NEK4: variants seen among roughly 807,000 people sequenced by gnomAD.
NEK4 encodes NIMA related kinase 4.
Under a neutral mutation model 98.4 loss-of-function variants are expected in NEK4, and 86 were observed. The ratio of observed to expected loss-of-function variants is 0.87; its 90% confidence interval spans 0.73 to 1.05. The LOEUF is 1.05. NEK4 is among the 50% of genes least tolerant of loss of function. The pLI is 0.00. For missense variants in NEK4, 898 were observed against 950.3 expected, an observed-to-expected ratio of 0.94 and a Z score of 0.72; for synonymous variants, 328 against 342.2, an observed-to-expected ratio of 0.96 and a Z score of 0.46.
intron 13 of NEK4, 70 bp downstream of exon 13, chr3:52,741,341 G>GA (rs1333527773): frequency 2.2e-6 from 2 of 918,276 alleles, no homozygotes; most frequent in Admixed American, 3.7e-5. Context: ...AAATACTACT[G>GA]AAAATGCACA....
At chr3:52,717,223 C>T (rs1443543218) in intron 15 of NEK4, among the ~76,000 whole-genome samples, 2 of 152,098 alleles carry the variant, frequency 1.3e-5, no homozygotes, top group Non-Finnish European at 1.5e-5. Context: ...GCCTGGCCAA[C>T]ATGGTGAAAC....
rs188091502 is a variant in NEK4, at chr3:52,721,519, G to A, written c.2434-9650C>T. ...AAGGCAGGAGAATTGCTTGAGCCCA[G>A]GAGTTCAAGACCCGCCTGGGCAACA... On this transcript the variant is annotated intron_variant, in intron 15 of 15. Coordinates refer to ENST00000233027, the MANE Select transcript of NEK4 (RefSeq NM_003157.6). Among the ~76,000 whole-genome samples, 47 of 152,110 alleles carry A rather than the reference G, an allele frequency of 3.1e-4. 1 individual carries two copies. The East Asian group carries it at 7.3e-3, about 24-fold the overall frequency.
chr3:52,747,086 T>C (rs2097397462), intron 8 of NEK4, among the ~76,000 whole-genome samples, 182 bp from the exon 9 acceptor site: 1 of 152,146 alleles, frequency 6.6e-6, no homozygotes, highest in African/African-American at 2.4e-5. Context: ...CCCATCACAA[T>C]GTAAAGTTCA....
intron 15 of NEK4, among the ~76,000 whole-genome samples, chr3:52,728,332 C>T (rs1020280250): frequency 1.3e-5 from 2 of 152,174 alleles, no homozygotes; most frequent in East Asian, 1.9e-4. Flanking sequence ...GCCAAAACTG[C>T]GCCACTGCAC....
intron 15 of NEK4, among the ~76,000 whole-genome samples, chr3:52,730,884 C>T (rs1346240255): frequency 6.6e-6 from 1 of 151,858 alleles, no homozygotes; most frequent in Non-Finnish European, 1.5e-5. Flanking sequence ...CTGGTGGGGG[C>T]AGGAAATGGG....
At chr3:52,740,892 A>G (rs1481371262) in intron 13 of NEK4, among the ~76,000 whole-genome samples, 1 of 152,004 alleles carries the variant, frequency 6.6e-6, no homozygotes, top group East Asian at 1.9e-4. Flanking sequence ...TATACATGTA[A>G]TTGGAATCCC....
chr3:52,722,071 G>C (rs547057637), intron 15 of NEK4, among the ~76,000 whole-genome samples: 34 of 152,154 alleles, frequency 2.2e-4, no homozygotes, highest in African/African-American at 7.2e-4. Context: ...TTAACCAATC[G>C]AATGTTGCCT....
intron 15 of NEK4, among the ~76,000 whole-genome samples, chr3:52,736,545 C>A (rs2097376253): frequency 6.6e-6 from 1 of 151,352 alleles, no homozygotes; most frequent in African/African-American, 2.4e-5. Flanking sequence ...GAGATCGCAC[C>A]ACTGCACTCC....
chr3:52,712,606 G>T (rs760289126), intron 15 of NEK4, among the ~76,000 whole-genome samples: 15 of 152,200 alleles, frequency 9.9e-5, no homozygotes, highest in Non-Finnish European at 1.6e-4. Context: ...CTTGGAGAAT[G>T]AATGCAAGGT....
intron 14 of NEK4, 92 bp downstream of exon 14, chr3:52,739,337 T>C: frequency 1.9e-6 from 2 of 1,037,928 alleles, no homozygotes; most frequent in Non-Finnish European, 2.9e-6. Flanking sequence ...AGGCAAAGGT[T>C]GCAGTGAGCC....
intron 15 of NEK4, among the ~76,000 whole-genome samples, chr3:52,714,829 G>C: frequency 6.6e-6 from 1 of 152,228 alleles, no homozygotes; most frequent in Non-Finnish European, 1.5e-5. Flanking sequence ...CTCAGAGCGG[G>C]GTAAGCCCAG....
chr3:52,712,289 C>G (rs190136494), intron 15 of NEK4, among the ~76,000 whole-genome samples: 175 of 152,252 alleles, frequency 1.1e-3, no homozygotes, highest in African/African-American at 3.9e-3. Flanking sequence ...GGGAAAAGTT[C>G]CCTTGTCCCC....
At chr3:52,765,353 AAAAAAAAAAAAC>A (rs1399335259) in intron 4 of NEK4, among the ~76,000 whole-genome samples, 5 of 150,108 alleles carry the variant, frequency 3.3e-5, no homozygotes, top group African/African-American at 4.9e-5. Context: ...CTCCATCTCA[AAAAAAAAAAAAC>A]AAAAAAAAAA....
chr3:52,754,369 A>G, intron 6 of NEK4: 1 of 440,594 alleles, frequency 2.3e-6, no homozygotes, highest in Non-Finnish European at 4.5e-6. Context: ...ATGCAGGGAG[A>G]GTTTTCTACA....
chr3:52,768,644 C>A, intron 1 of NEK4, 40 bp from the exon 2 acceptor site: 1 of 1,598,848 alleles, frequency 6.3e-7, no homozygotes. Flanking sequence ...TGCAAATAAA[C>A]GTAAGATTTG....
At position 52,764,555 on chromosome 3, in the gene NEK4, C is replaced by T. The variant is rs368626340; in HGVS notation, c.667-931G>A. Among the ~76,000 whole-genome samples, 56 of 151,356 alleles carry T rather than the reference C, an allele frequency of 3.7e-4. No individual in the cohort carries two copies. The East Asian group carries it at 7.8e-3, about 21-fold the overall frequency. ...CCGAGGCAGGAGAATGGCGTGAACC[C>T]GAGAGGCAGAGGTTGCAGTGAGCTG... On this transcript the variant is annotated intron_variant, in intron 4 of 15. Transcript: ENST00000233027.
rs185330076 is a variant in NEK4 at position 52,710,892 on chromosome 3, C to A, written c.*885G>T. 6 of 152,430 alleles carry A rather than the reference C, an allele frequency of 3.9e-5. No homozygotes were observed. The highest frequency in any genetic ancestry group is 2.0e-4 in the Admixed American group (3 of 15,280). 9.4% of individuals were successfully genotyped at this position (152,430 alleles called of 1,614,324 possible). On this transcript the variant is annotated 3_prime_UTR_variant, in exon 16 of 16. Transcript: ENST00000233027. ...AATTTCTTTCCTAGATGGGTATTAC[C>A]TCTTATTAAACAACTAATAAAATAT...
intron 6 of NEK4, among the ~76,000 whole-genome samples, chr3:52,755,495 G>T (rs527548820): frequency 6.6e-6 from 1 of 151,038 alleles, no homozygotes; most frequent in Non-Finnish European, 1.5e-5. Flanking sequence ...ACCTTTTCAT[G>T]ATTAAAAAAA....
In NEK4 at chr3:52,711,378, AT is replaced by A. The variant is rs2097350231; in HGVS notation, c.*398del. 1 of 154,324 alleles carries A rather than the reference AT, an allele frequency of 6.5e-6. No homozygotes were observed. The highest frequency in any genetic ancestry group is 6.5e-5 in the Admixed American group (1 of 15,350). The allele number at this position is 154,324 out of a possible 1,614,324, so 9.6% of individuals were successfully genotyped here. A position where few individuals can be genotyped will look rare whatever the true frequency, so the allele number is the denominator to read the frequency against. ...ATAGCAGGAATTATGACGACATATT[AT>A]GTCATTTGTTTCTCCTACTGCTTTT... On this transcript the variant is annotated 3_prime_UTR_variant, in exon 16 of 16. Transcript: ENST00000233027.
Sources: gnomAD v4.1 joint callset for allele counts (sites outside exome capture counted in the v4.1 genomes callset) on GRCh38, gnomAD v4.1.1 for gene constraint, MANE v1.5 for transcripts, NCBI Gene and HGNC (gene_info 2026-07-23, HGNC 2026-07-21) for gene names.